The following EFNA5 variants were observed in gnomAD, a reference collection of about 807,000 sequenced individuals.
The protein encoded by EFNA5 is ephrin-A5.
In EFNA5, 5 loss-of-function variants were observed where a neutral mutation model predicts 22.9. The observed-to-expected ratio is 0.22, with a 90% confidence interval of 0.11 to 0.46. EFNA5 has a LOEUF of 0.46. Ranked by LOEUF, EFNA5 falls within the 20% of genes least tolerant of loss-of-function variation. The pLI is 0.99. For missense variants in EFNA5, 237 were observed against 293.3 expected (o/e 0.81, Z 1.40); for synonymous variants, 113 against 112.2 (o/e 1.01, Z -0.04).
At chr5:107,585,600 G>A (rs1749168483) in intron 1 of EFNA5, among the ~76,000 whole-genome samples, 1 of 152,206 alleles carries the variant, frequency 6.6e-6, no homozygotes, top group Admixed American at 6.5e-5. Flanking sequence ...GAATCTGGAT[G>A]AGCCAAATTA....
chr5:107,670,128 C>T (rs1751159221), intron 1 of EFNA5, among the ~76,000 whole-genome samples: 1 of 151,730 alleles, frequency 6.6e-6, no homozygotes, highest in Non-Finnish European at 1.5e-5. Context: ...CTCCCGGCTG[C>T]GCACACTGGG....
At chr5:107,385,862 T>C (rs575484907) in intron 4 of EFNA5, among the ~76,000 whole-genome samples, 1 of 152,278 alleles carries the variant, frequency 6.6e-6, no homozygotes, top group African/African-American at 2.4e-5. Flanking sequence ...AGCAGCTAAC[T>C]GATCCCTGGG....
At chr5:107,607,339 T>A (rs905422229) in intron 1 of EFNA5, among the ~76,000 whole-genome samples, 9 of 152,218 alleles carry the variant, frequency 5.9e-5, no homozygotes, top group African/African-American at 2.2e-4. Flanking sequence ...GTAGGCTAAC[T>A]CGCTGCCTGC....
chr5:107,422,103 T>C (rs1748683583), intron 2 of EFNA5, among the ~76,000 whole-genome samples: 1 of 152,212 alleles, frequency 6.6e-6, no homozygotes, highest in Non-Finnish European at 1.5e-5. Context: ...CTTCTTTTAG[T>C]TGCTTACTCA....
At chr5:107,396,900 A>G (rs1030908614) in intron 2 of EFNA5, among the ~76,000 whole-genome samples, 3 of 152,114 alleles carry the variant, frequency 2.0e-5, no homozygotes, top group Admixed American at 1.3e-4. Flanking sequence ...TAGGACAAGG[A>G]TGTAAATCCT....
chr5:107,503,214 G>T (rs1482022011), intron 1 of EFNA5, among the ~76,000 whole-genome samples: 2 of 152,142 alleles, frequency 1.3e-5, no homozygotes, highest in African/African-American at 4.8e-5. Context: ...AAGCTTCCAG[G>T]ATTGGTAAAA....
chr5:107,660,761 C>T (rs920217327), intron 1 of EFNA5, among the ~76,000 whole-genome samples: 5 of 152,012 alleles, frequency 3.3e-5, no homozygotes, highest in Non-Finnish European at 7.4e-5. Flanking sequence ...CACTGAGGTC[C>T]CTTCTCTCCT....
intron 1 of EFNA5, among the ~76,000 whole-genome samples, chr5:107,525,340 G>C (rs1322860963): frequency 6.6e-6 from 1 of 152,014 alleles, no homozygotes; most frequent in East Asian, 1.9e-4. Context: ...AATATATGTT[G>C]CTGTCTTATC....
At chr5:107,436,826 G>A (rs1266589927) in intron 1 of EFNA5, among the ~76,000 whole-genome samples, 1 of 152,128 alleles carries the variant, frequency 6.6e-6, no homozygotes, top group African/African-American at 2.4e-5. Context: ...CTGTCAAACT[G>A]CTTACTTCCA....
At chr5:107,410,174 C>G (rs1393360389) in intron 2 of EFNA5, among the ~76,000 whole-genome samples, 1 of 151,862 alleles carries the variant, frequency 6.6e-6, no homozygotes, top group Non-Finnish European at 1.5e-5. Context: ...ACTACAGGCA[C>G]CCGCCACCAC....
intron 1 of EFNA5, among the ~76,000 whole-genome samples, chr5:107,607,538 A>G (rs574934659): frequency 1.3e-5 from 2 of 152,328 alleles, no homozygotes; most frequent in East Asian, 3.9e-4. Context: ...TTACTAACCT[A>G]TATTACAAGT....
At chr5:107,449,388 AT>A (rs1749489463) in intron 1 of EFNA5, among the ~76,000 whole-genome samples, 1 of 151,590 alleles carries the variant, frequency 6.6e-6, no homozygotes, top group Non-Finnish European at 1.5e-5. Flanking sequence ...AAAAATAAGG[AT>A]TCTACTCTTC....
chr5:107,596,158 T>G (rs1250162751), intron 1 of EFNA5, among the ~76,000 whole-genome samples: 1 of 152,158 alleles, frequency 6.6e-6, no homozygotes, highest in African/African-American at 2.4e-5. Flanking sequence ...AACATAAAAT[T>G]TATCATTTTA....
At chr5:107,495,083 G>A (rs1215433543) in intron 1 of EFNA5, among the ~76,000 whole-genome samples, 5 of 152,130 alleles carry the variant, frequency 3.3e-5, no homozygotes, top group Non-Finnish European at 5.9e-5. Flanking sequence ...AATAAAAGCA[G>A]GCTGCCTGAG....
At position 107,647,837 on chromosome 5, in the gene EFNA5, T is replaced by C. The variant is rs889837974; in HGVS notation, c.125+22652A>G. ...AGGAAATGGGGTGAATCCAGTCCAA[T>C]TTACCCATGAAACTGATTAGGAATA... On this transcript the variant is annotated intron_variant, in intron 1 of 4. Coordinates refer to ENST00000333274, the MANE Select transcript of EFNA5 (RefSeq NM_001962.3). Among the ~76,000 whole-genome samples, 4 of 151,960 alleles carry C rather than the reference T, an allele frequency of 2.6e-5. No homozygotes were observed. In the South Asian group the frequency reaches 8.3e-4, roughly 32 times the overall value.
At chr5:107,486,861 A>C (rs2112408038) in intron 1 of EFNA5, among the ~76,000 whole-genome samples, 1 of 152,326 alleles carries the variant, frequency 6.6e-6, no homozygotes, top group Admixed American at 6.5e-5. Context: ...GAGGAGCTAG[A>C]GAAAGTTACT....
At chr5:107,617,419 G>A (rs557001677) in intron 1 of EFNA5, among the ~76,000 whole-genome samples, 3 of 152,252 alleles carry the variant, frequency 2.0e-5, no homozygotes, top group Non-Finnish European at 4.4e-5. Context: ...AAAGTTGATA[G>A]AATAGATTTC....
intron 1 of EFNA5, among the ~76,000 whole-genome samples, chr5:107,571,384 T>C (rs1336234884): frequency 1.3e-5 from 2 of 152,174 alleles, no homozygotes; most frequent in African/African-American, 4.8e-5. Flanking sequence ...GAACTTTTCC[T>C]GTGCAGATGG....
At chr5:107,508,321 G>A (rs372141061) in intron 1 of EFNA5, among the ~76,000 whole-genome samples, 1 of 152,180 alleles carries the variant, frequency 6.6e-6, no homozygotes, top group Non-Finnish European at 1.5e-5. Flanking sequence ...TGTGAACACC[G>A]TAGGTCCTCA....
Sources: allele counts gnomAD v4.1 joint callset (sites outside exome capture counted in the v4.1 genomes callset), GRCh38; gene constraint gnomAD v4.1.1; transcripts MANE v1.5; gene names NCBI Gene and HGNC (gene_info 2026-07-23, HGNC 2026-07-21).